Variants in IQCH observed in about 807,000 individuals in gnomAD.
IQCH encodes the protein IQ domain-containing protein H.
Under a neutral mutation model 117.0 loss-of-function variants are expected in IQCH, and 98 were observed. The observed-to-expected ratio is 0.84, with a 90% confidence interval of 0.71 to 0.99. The LOEUF is 0.99. IQCH is among the 50% of genes least tolerant of loss of function. The pLI is 0.00. For synonymous variants in IQCH, 412 were observed against 448.2 expected (o/e 0.92, Z 1.02); for missense variants, 1,102 against 1,243.8 (o/e 0.89, Z 1.72).
chr15:67,333,713 G>A (rs1257372763), intron 4 of IQCH, among the ~76,000 whole-genome samples: 3 of 152,122 alleles, frequency 2.0e-5, no homozygotes. Flanking sequence ...TGGCTGATGG[G>A]AATATGATTG....
intron 3 of IQCH, among the ~76,000 whole-genome samples, chr15:67,277,678 C>T (rs896349273): frequency 2.0e-5 from 3 of 152,002 alleles, no homozygotes; most frequent in African/African-American, 7.2e-5. Flanking sequence ...GAACAACAGG[C>T]ACATGCCACC....
At chr15:67,296,359 G>A (rs536541743) in intron 4 of IQCH, among the ~76,000 whole-genome samples, 2 of 152,148 alleles carry the variant, frequency 1.3e-5, no homozygotes, top group African/African-American at 2.4e-5. Context: ...TGGAGAGAGC[G>A]TGTTGTATGT....
In IQCH at chr15:67,372,654, C is replaced by A; in HGVS notation, c.1297C>A (p.Arg433=). Residue 433 remains arginine, a synonymous_variant, in exon 9 of 21, where the codon CGA becomes AGA. Coordinates refer to ENST00000335894, the MANE Select transcript of IQCH (RefSeq NM_001031715.3). ...GAGACACCTGGAGAATTTTCGCATTCGAGCCAAGGTGCACAAGGCTGCCAG... is the reference window on the plus strand; with the variant it reads ...GAGACACCTGGAGAATTTTCGCATTAGAGCCAAGGTGCACAAGGCTGCCAG... The part of the protein sequence containing the change: ...RQRHLENFRI[R]AKHLAANWNR... The A allele has an allele frequency of 6.2e-7, 1 of 1,602,510 alleles. No homozygotes were observed. The highest frequency in any genetic ancestry group is 8.5e-7 in the Non-Finnish European group (1 of 1,173,876).
Position 67,359,806 on chromosome 15 carries a change from G to T in IQCH, c.715-41G>T. ...ATTTGTTTTGTAAAATTGCCCATGAGAGTCGTTTTGATTTAAACTGTGTCT... is the reference window on the plus strand; with the variant it reads ...ATTTGTTTTGTAAAATTGCCCATGATAGTCGTTTTGATTTAAACTGTGTCT... On this transcript the variant is annotated intron_variant, in intron 7 of 20. Coordinates refer to ENST00000335894, the MANE Select transcript of IQCH (RefSeq NM_001031715.3). The surrounding 1 kb of genome is among the most constrained non-coding windows in gnomAD (Gnocchi z 4.5). 1.3e-6 allele frequency: 2 copies of T among 1,544,188 alleles called. No homozygotes were observed. The highest frequency in any genetic ancestry group is 2.2e-5 in the South Asian group (2 of 89,572).
chr15:67,439,701 C>T (rs1407438108), intron 16 of IQCH, among the ~76,000 whole-genome samples: 1 of 151,972 alleles, frequency 6.6e-6, no homozygotes, highest in Non-Finnish European at 1.5e-5. Flanking sequence ...GCGTGACCAA[C>T]ATGGAGAAAC....
chr15:67,381,979 CAA>C lies in IQCH; in HGVS notation c.1373-2945_1373-2944del, dbSNP rs35152038. On this transcript the variant is annotated intron_variant, in intron 10 of 20. Transcript: ENST00000335894. This position sits in a 1 kb window ranked among gnomAD's most constrained non-coding sequence, Gnocchi z 5.1. ...CCTGGGCAACAGAGTGATACCCTGT[CAA>C]AAAAAAAAAAAGAATTAAAAGATTT... Among the ~76,000 whole-genome samples, 51 of 142,492 alleles carry C rather than the reference CAA, an allele frequency of 3.6e-4. No homozygotes were observed. Among genetic ancestry groups the C allele is most frequent in the Admixed American group, 1.4e-3 (21 of 14,504 alleles). The allele number at this position is 142,492 out of a possible 152,430, so 93.5% of individuals were successfully genotyped here. A position where few individuals can be genotyped will look rare whatever the true frequency, so the allele number is the denominator to read the frequency against.
Position 67,385,765 on chromosome 15 carries a change from A to G in IQCH, c.1456+746A>G, listed in dbSNP as rs1040111636. Among the ~76,000 whole-genome samples, 11 of 152,314 alleles carry G rather than the reference A, an allele frequency of 7.2e-5. No individual in the cohort carries two copies. Among genetic ancestry groups the G allele is most frequent in the Middle Eastern group, 3.4e-3 (1 of 294 alleles). On this transcript the variant is annotated intron_variant, in intron 11 of 20. Transcript: ENST00000335894. The surrounding 1 kb of genome is among the most constrained non-coding windows in gnomAD (Gnocchi z 4.6). ...TGAATCTGTTTGTGAGATACTTGCC[A>G]AAAATTCAAGGTTACACAAAAATTA...
Position 67,384,432 on chromosome 15 carries a change from G to C in IQCH, c.1373-504G>C, listed in dbSNP as rs911068592. Among the ~76,000 whole-genome samples the C allele has an allele frequency of 2.6e-5, 4 of 152,030 alleles. No homozygotes were observed. The highest frequency in any genetic ancestry group is 1.9e-4 in the East Asian group (1 of 5,190). ...TTGAAAGTTAAAAGTTCTTGTGACC[G>C]TGAGCAGAAGCTGATTTCTTTAGTA... On this transcript the variant is annotated intron_variant, in intron 10 of 20. Transcript: ENST00000335894. This position sits in a 1 kb window ranked among gnomAD's most constrained non-coding sequence, Gnocchi z 4.3.
intron 4 of IQCH, among the ~76,000 whole-genome samples, chr15:67,286,890 G>A (rs1966583738): frequency 6.6e-6 from 1 of 152,174 alleles, no homozygotes; most frequent in Non-Finnish European, 1.5e-5. Flanking sequence ...TGGGATTACA[G>A]GTGTGAGCCA....
At chr15:67,334,446 A>G (rs1460067863) in intron 4 of IQCH, among the ~76,000 whole-genome samples, 1 of 152,176 alleles carries the variant, frequency 6.6e-6, no homozygotes, top group Non-Finnish European at 1.5e-5. Context: ...CATGCATGAA[A>G]TATGCTGTTT....
chr15:67,334,723 A>T (rs1183683850), intron 4 of IQCH, among the ~76,000 whole-genome samples: 1 of 152,194 alleles, frequency 6.6e-6, no homozygotes, highest in East Asian at 1.9e-4. Flanking sequence ...AGCGATTCTA[A>T]TATACAGCCA....
intron 4 of IQCH, among the ~76,000 whole-genome samples, chr15:67,333,408 T>G (rs1968754322): frequency 6.6e-6 from 1 of 152,216 alleles, no homozygotes; most frequent in African/African-American, 2.4e-5. Context: ...AAAGAAATAT[T>G]TATTTGAAGT....
chr15:67,347,778 A>T (rs1450058947), intron 6 of IQCH, among the ~76,000 whole-genome samples: 2 of 148,736 alleles, frequency 1.3e-5, no homozygotes, highest in Non-Finnish European at 3.0e-5. Flanking sequence ...AAAATATAGC[A>T]AATTGAATCT....
chr15:67,453,749 C>A lies in IQCH; in HGVS notation c.2506-11378C>A, dbSNP rs528445250. Among the ~76,000 whole-genome samples, 11 of 152,344 alleles carry A rather than the reference C, an allele frequency of 7.2e-5. No homozygotes were observed. The highest frequency in any genetic ancestry group is 2.6e-4 in the African/African-American group (11 of 41,584). On this transcript the variant is annotated intron_variant, in intron 16 of 20. Transcript: ENST00000335894. This position sits in a 1 kb window ranked among gnomAD's most constrained non-coding sequence, Gnocchi z 5.8. The stretch of plus-strand genomic sequence containing the variant: ...CTGGGAGAACCACTACTCTTCAAAG[C>A]TGTCAGAGAGGGACATTTAAGTCTG...
intron 18 of IQCH, among the ~76,000 whole-genome samples, chr15:67,488,082 C>G (rs2083542287): frequency 6.6e-6 from 1 of 152,124 alleles, no homozygotes; most frequent in South Asian, 2.1e-4. Flanking sequence ...GAGGCTGAGG[C>G]TGGGAGGATC....
rs2081583197 is a variant in IQCH at position 67,416,545 on chromosome 15, AAAAC to A, written c.2098-382_2098-379del. On this transcript the variant is annotated intron_variant, in intron 14 of 20. Transcript: ENST00000335894. The surrounding 1 kb of genome is among the most constrained non-coding windows in gnomAD (Gnocchi z 5.1). ...AAAAAAAAAGAAAAAACAAAAAACA[AAAAC>A]AAAAAAAACAGTTAACCCCACATTT... is the stretch of plus-strand genomic sequence containing the variant. Among the ~76,000 whole-genome samples, 1 of 151,826 alleles carries A rather than the reference AAAAC, an allele frequency of 6.6e-6. No homozygotes were observed. The highest frequency in any genetic ancestry group is 1.5e-5 in the Non-Finnish European group (1 of 67,926).
rs1567125955 is a variant in IQCH at position 67,359,951 on chromosome 15, A to ACG, written c.753+66_753+67insCG. The ACG allele has an allele frequency of 2.4e-5, 32 of 1,320,660 alleles. No homozygotes were observed. The African/African-American group carries it at 3.8e-4, about 16-fold the overall frequency. The allele number at this position is 1,320,660 out of a possible 1,614,324, so 81.8% of individuals were successfully genotyped here. On this transcript the variant is annotated intron_variant, in intron 8 of 20. Coordinates refer to ENST00000335894, the MANE Select transcript of IQCH (RefSeq NM_001031715.3). The surrounding 1 kb of genome is among the most constrained non-coding windows in gnomAD (Gnocchi z 4.5). ...ACCTGATGTCCCTTCCTTTTGCTGC[A>ACG]GGGCAAGAGTATGGGTGACTGCTTG...
rs1449722954 is a variant in IQCH, at chr15:67,473,578, G to T, written c.2677-2118G>T. Among the ~76,000 whole-genome samples the T allele has an allele frequency of 6.6e-6, 1 of 152,210 alleles. No homozygotes were observed. The highest frequency in any genetic ancestry group is 1.5e-5 in the Non-Finnish European group (1 of 68,036). On this transcript the variant is annotated intron_variant, in intron 17 of 20. Transcript: ENST00000335894. The surrounding 1 kb of genome is among the most constrained non-coding windows in gnomAD (Gnocchi z 4.9). ...TTACATACTTTGAAGAGTCTCTTAA[G>T]TCAGAGGGAAGAGCTATCCACCTAA...
At chr15:67,455,393 C>T (rs961241037) in intron 16 of IQCH, among the ~76,000 whole-genome samples, 2 of 152,178 alleles carry the variant, frequency 1.3e-5, no homozygotes, top group Non-Finnish European at 2.9e-5. Context: ...AGCCGCATGC[C>T]TGGGGTTTGA....
Sources: allele counts gnomAD v4.1 joint callset (sites outside exome capture counted in the v4.1 genomes callset), GRCh38; gene constraint gnomAD v4.1.1; non-coding constraint Gnocchi (gnomAD v3.1); transcripts MANE v1.5; gene names NCBI Gene and HGNC (gene_info 2026-07-23, HGNC 2026-07-21).